The following NPRL3 variants were observed in gnomAD, a reference collection of about 807,000 sequenced individuals.
NPRL3 encodes the protein NPR3 like, GATOR1 complex subunit, also known as GATOR1 complex protein NPRL3.
A neutral mutation model predicts 57.2 loss-of-function variants in NPRL3; 23 were observed. The ratio of observed to expected loss-of-function variants is 0.40; its 90% confidence interval spans 0.29 to 0.57. NPRL3 has a LOEUF of 0.57. Ranked by LOEUF, NPRL3 falls within the 20% of genes least tolerant of loss-of-function variation. NPRL3 has a pLI of 0.42. For missense variants in NPRL3, 691 were observed against 767.1 expected, an observed-to-expected ratio of 0.90 and a Z score of 1.17; for synonymous variants, 333 against 321.1, an observed-to-expected ratio of 1.04 and a Z score of -0.39.
At chr16:98,798 T>A (rs1899142246) in intron 8 of NPRL3, among the ~76,000 whole-genome samples, 1 of 152,014 alleles carries the variant, frequency 6.6e-6, no homozygotes, top group African/African-American at 2.4e-5. Context: ...ATTATCCGGG[T>A]GTGGTTGCAC....
At chr16:130,700 T>C in intron 2 of NPRL3, 109 bp from the exon 3 acceptor site, 1 of 960,066 alleles carries the variant, frequency 1.0e-6, no homozygotes, top group Non-Finnish European at 1.6e-6. Context: ...GCTCTGTCCA[T>C]ACCATGGAAT....
chr16:126,171 G>A (rs920743024), intron 3 of NPRL3: 4 of 151,818 alleles, frequency 2.6e-5, no homozygotes, highest in Non-Finnish European at 4.4e-5. Context: ...AAGCCCAGGA[G>A]TTCAATCACC....
At chr16:94,961 G>A (rs1898925984) in intron 9 of NPRL3, among the ~76,000 whole-genome samples, 1 of 152,028 alleles carries the variant, frequency 6.6e-6, no homozygotes, top group African/African-American at 2.4e-5. Flanking sequence ...GTGCCAGCAG[G>A]ACCAGGCTCC....
chr16:135,934 G>C (rs2141991194), intron 2 of NPRL3, among the ~76,000 whole-genome samples: 1 of 152,192 alleles, frequency 6.6e-6, no homozygotes, highest in East Asian at 1.9e-4. Flanking sequence ...TCACTGAAAA[G>C]GAAATCCAAA....
intron 4 of NPRL3, among the ~76,000 whole-genome samples, chr16:117,871 G>A (rs952219500): frequency 1.1e-4 from 17 of 152,234 alleles, no homozygotes; most frequent in Non-Finnish European, 1.6e-4. Flanking sequence ...GGACCAGGGC[G>A]CTCAAGGGAA....
intron 5 of NPRL3, among the ~76,000 whole-genome samples, chr16:115,234 CGAAGTGCTAG>C (rs1347475840): frequency 6.6e-6 from 1 of 151,464 alleles, no homozygotes; most frequent in African/African-American, 2.4e-5. Flanking sequence ...CTTGGCCTCC[CGAAGTGCTAG>C]GAATACAGGA....
At chr16:126,857 T>C (rs1315871339) in intron 3 of NPRL3, 4 of 152,252 alleles carry the variant, frequency 2.6e-5, no homozygotes, top group East Asian at 3.8e-4. Context: ...AGTTAATCTC[T>C]ATAACCTGAA....
In NPRL3 at chr16:130,508, C is replaced by T. The variant is rs368999536; in HGVS notation, c.188+14G>A. The T allele has an allele frequency of 8.8e-5, 136 of 1,548,930 alleles. No individual in the cohort carries two copies. The highest frequency in any genetic ancestry group is 1.1e-4 in the Non-Finnish European group (121 of 1,147,018). ...AGGACACGCCCCGCCCTGAAGTGGC[C>T]GCAGAGCCTTTACCTGGAATCGCCG... On this transcript the variant is annotated intron_variant, in intron 3 of 13. Transcript: ENST00000611875.
At position 110,575 on chromosome 16, in the gene NPRL3, G is replaced by A. The variant is rs777493106; in HGVS notation, c.579C>T (p.His193=). The A allele has an allele frequency of 1.1e-5, 18 of 1,611,924 alleles. No homozygotes were observed. The highest frequency in any genetic ancestry group is 1.4e-5 in the Non-Finnish European group (17 of 1,179,028). ...TGGCCAGCTTGCACTTGGGCAGGATGTGATGGAATGGGGACTGAGGACCTT... is the reference window on the plus strand; with the variant it reads ...TGGCCAGCTTGCACTTGGGCAGGATATGATGGAATGGGGACTGAGGACCTT... The part of the protein sequence containing the change: ...GNEGPQSPFH[H]ILPKCKLARD... The change falls in exon 7 of 14, where the codon CAC becomes CAT. Residue 193 remains histidine, a synonymous_variant. Coordinates refer to ENST00000611875, the MANE Select transcript of NPRL3 (RefSeq NM_001077350.3).
Position 112,677 on chromosome 16 carries a change from G to A in NPRL3, c.492C>T (p.Thr164=), listed in dbSNP as rs1296835070. Residue 164 remains threonine (T), a synonymous_variant, in exon 6 of 14, where the codon ACC becomes ACT. Transcript: ENST00000611875. The part of the protein sequence containing the change: ...QHEERRCQYL[T]REAKLILALQ... ...GCGCCAGGATCAGCTTGGCCTCCCG[G>A]GTGAGGTACTGGCAGCGGCGCTCCT... is the stretch of plus-strand genomic sequence containing the variant. 1.9e-6 allele frequency: 3 copies of A among 1,609,104 alleles called. No homozygotes were observed. The highest frequency in any genetic ancestry group is 2.5e-6 in the Non-Finnish European group (3 of 1,177,770).
At chr16:123,783 C>A in intron 3 of NPRL3, among the ~76,000 whole-genome samples, 1 of 144,186 alleles carries the variant, frequency 6.9e-6, no homozygotes, top group East Asian at 2.1e-4. Flanking sequence ...CAGGGTCACA[C>A]ACTCCCCACG....
At chr16:94,566 T>G (rs1031843814) in intron 9 of NPRL3, among the ~76,000 whole-genome samples, 1 of 152,124 alleles carries the variant, frequency 6.6e-6, no homozygotes, top group Non-Finnish European at 1.5e-5. Context: ...CTGGGCAATA[T>G]AGTGAGACCC....
chr16:118,601 G>C (rs1436281409), intron 4 of NPRL3, among the ~76,000 whole-genome samples: 1 of 152,156 alleles, frequency 6.6e-6, no homozygotes. Context: ...AAAAGCTAGG[G>C]ACAGGGACTG....
In NPRL3 at chr16:116,636, A is replaced by C. The variant is rs147382730; in HGVS notation, c.393+665T>G. ...CAGGAGTTCAAGATCAGCCAGGGCA[A>C]TAAGGTGAAAACTCATCTCTACAAA... On this transcript the variant is annotated intron_variant, in intron 5 of 13. Coordinates refer to ENST00000611875, the MANE Select transcript of NPRL3 (RefSeq NM_001077350.3). Among the ~76,000 whole-genome samples, 1,069 of 152,256 alleles carry C rather than the reference A, an allele frequency of 7.0e-3. 7 individuals are homozygous for C. Among genetic ancestry groups the C allele is most frequent in the South Asian group, 0.017 (80 of 4,814 alleles).
intron 11 of NPRL3, chr16:90,143 C>T: frequency 2.0e-6 from 1 of 493,478 alleles, no homozygotes; most frequent in Non-Finnish European, 3.5e-6. Context: ...CAGGCTCCCA[C>T]CACACACCGG....
chr16:93,184 C>G, intron 10 of NPRL3, 35 bp downstream of exon 10: 1 of 1,395,776 alleles, frequency 7.2e-7, no homozygotes, highest in Non-Finnish European at 1.0e-6. Context: ...CCTTCCCACT[C>G]GGGGCTCCAG....
chr16:86,371 G>T lies in NPRL3; in HGVS notation c.*334C>A. On this transcript the variant is annotated 3_prime_UTR_variant, in exon 14 of 14. Coordinates refer to ENST00000611875, the MANE Select transcript of NPRL3 (RefSeq NM_001077350.3). ...AGGTGTAGGGACAGAAGGAGGGTCTGAGAAACGCACAGCCCACATGGGCCT... is the reference window on the plus strand; with the variant it reads ...AGGTGTAGGGACAGAAGGAGGGTCTTAGAAACGCACAGCCCACATGGGCCT... 7.9e-5 allele frequency: 23 copies of T among 290,374 alleles called. No individual in the cohort carries two copies. Among genetic ancestry groups the T allele is most frequent in the South Asian group, 3.4e-4 (5 of 14,700 alleles). 18.0% of individuals were successfully genotyped at this position (290,374 alleles called of 1,614,324 possible). A position where few individuals can be genotyped will look rare whatever the true frequency, so the allele number is the denominator to read the frequency against.
At chr16:132,814 C>T (rs1024885897) in intron 2 of NPRL3, among the ~76,000 whole-genome samples, 1 of 151,652 alleles carries the variant, frequency 6.6e-6, no homozygotes, top group Non-Finnish European at 1.5e-5. Flanking sequence ...GGACTACAGG[C>T]GCCCGCCACT....
At chr16:134,156 T>G (rs955326762) in intron 2 of NPRL3, among the ~76,000 whole-genome samples, 1 of 151,900 alleles carries the variant, frequency 6.6e-6, no homozygotes, top group African/African-American at 2.4e-5. Context: ...ACAGACTTGC[T>G]GGACACAGGT....
Sources: allele counts gnomAD v4.1 joint callset (sites outside exome capture counted in the v4.1 genomes callset), GRCh38; gene constraint gnomAD v4.1.1; transcripts MANE v1.5; gene names NCBI Gene and HGNC (gene_info 2026-07-23, HGNC 2026-07-21).